UNC13C: variants seen among roughly 807,000 people sequenced by gnomAD.
UNC13C encodes the protein unc-13 homolog C.
In UNC13C, 174 loss-of-function variants were observed where a neutral mutation model predicts 245.4. The ratio of observed to expected loss-of-function variants is 0.71; its 90% CI spans 0.63 to 0.80. The LOEUF is 0.80. Ranked by LOEUF, UNC13C falls within the 30% of genes least tolerant of loss-of-function variation. The pLI is 0.00. For missense variants in UNC13C, 2,829 were observed against 2,602.9 expected (o/e 1.09, Z -1.89); for synonymous variants, 992 against 895.1 (o/e 1.11, Z -1.93).
At chr15:54,463,414 TCTGCACTGC>T (rs1342762967) in intron 19 of UNC13C, among the ~76,000 whole-genome samples, 2 of 151,758 alleles carry the variant, frequency 1.3e-5, no homozygotes, top group East Asian at 3.9e-4. Flanking sequence ...ACTCTTTGGG[TCTGCACTGC>T]CTTTATGAGC....
chr15:54,050,572 C>A, intron 2 of UNC13C: 1 of 436,098 alleles, frequency 2.3e-6, no homozygotes, highest in Non-Finnish European at 4.6e-6. Flanking sequence ...GAGTGAGCTG[C>A]TACACTTTTT....
chr15:54,341,212 C>T (rs1322431798), intron 17 of UNC13C, among the ~76,000 whole-genome samples: 1 of 152,156 alleles, frequency 6.6e-6, no homozygotes, highest in Non-Finnish European at 1.5e-5. Flanking sequence ...ACCTAGGTGC[C>T]CATCCATGGT....
chr15:54,248,753 C>T (rs979752884), intron 7 of UNC13C, among the ~76,000 whole-genome samples: 1 of 152,122 alleles, frequency 6.6e-6, no homozygotes, highest in Non-Finnish European at 1.5e-5. Context: ...GATTGTCCAG[C>T]CCCTTATCTA....
intron 17 of UNC13C, among the ~76,000 whole-genome samples, chr15:54,364,616 T>C (rs2039318675): frequency 6.6e-6 from 1 of 152,212 alleles, no homozygotes; most frequent in South Asian, 2.1e-4. Flanking sequence ...GACTTCACTG[T>C]AGTGACTTTT....
chr15:54,027,218 C>G (rs1163458814), intron 2 of UNC13C, among the ~76,000 whole-genome samples: 2 of 150,978 alleles, frequency 1.3e-5, no homozygotes, highest in South Asian at 2.1e-4. Flanking sequence ...TAAGAGAAAT[C>G]TGGTGCAATA....
intron 29 of UNC13C, among the ~76,000 whole-genome samples, chr15:54,562,615 A>T (rs1485023056): frequency 6.6e-6 from 1 of 152,034 alleles, no homozygotes; most frequent in African/African-American, 2.4e-5. Context: ...GTGTCAAAGA[A>T]AAATCTGCTC....
chr15:54,229,697 A>G (rs2035494897), intron 4 of UNC13C, among the ~76,000 whole-genome samples: 1 of 151,996 alleles, frequency 6.6e-6, no homozygotes. Context: ...AACTATATTC[A>G]CCCTATTTAC....
chr15:54,539,739 A>G (rs1057182466), intron 26 of UNC13C, among the ~76,000 whole-genome samples: 27 of 152,194 alleles, frequency 1.8e-4, no homozygotes, highest in African/African-American at 6.5e-4. Context: ...AACATAACAG[A>G]AAGTTTTAAG....
At chr15:53,973,599 C>CG (rs1344257437), upstream of UNC13C, among the ~76,000 whole-genome samples, 2 of 150,326 alleles carry the variant, frequency 1.3e-5, no homozygotes, top group Non-Finnish European at 3.0e-5. Context: ...AAAAAAAATC[C>CG]AAAAAGTGGA....
At chr15:54,372,303 A>G (rs564768166) in intron 17 of UNC13C, among the ~76,000 whole-genome samples, 16 of 152,216 alleles carry the variant, frequency 1.1e-4, no homozygotes, top group Non-Finnish European at 1.8e-4. Flanking sequence ...CTTGTTTTCT[A>G]TTAGTAATAG....
chr15:54,530,568 G>GA (rs1215895658), intron 25 of UNC13C, among the ~76,000 whole-genome samples: 2 of 151,920 alleles, frequency 1.3e-5, no homozygotes, highest in Non-Finnish European at 2.9e-5. Flanking sequence ...ATGCCATTGA[G>GA]AAAAAAAGAA....
chr15:54,584,449 T>G (rs1464705326), intron 30 of UNC13C, among the ~76,000 whole-genome samples: 1 of 152,224 alleles, frequency 6.6e-6, no homozygotes, highest in Non-Finnish European at 1.5e-5. Context: ...TCCCCCTTTG[T>G]GACCATAACC....
the UNC13C span, among the ~76,000 whole-genome samples, chr15:53,859,507 C>G: frequency 6.6e-6 from 1 of 151,966 alleles, no homozygotes; most frequent in Non-Finnish European, 1.5e-5. Context: ...TTGCAAAATT[C>G]TTTATCATTA....
intron 18 of UNC13C, among the ~76,000 whole-genome samples, chr15:54,411,024 G>GT (rs1325292480): frequency 2.0e-5 from 3 of 151,708 alleles, no homozygotes; most frequent in East Asian, 1.9e-4. Flanking sequence ...TCTGCCTTTT[G>GT]TTTTTTTTAA....
At chr15:54,406,972 A>T (rs771488251) in intron 18 of UNC13C, among the ~76,000 whole-genome samples, 10 of 152,154 alleles carry the variant, frequency 6.6e-5, no homozygotes, top group Non-Finnish European at 2.9e-5. Context: ...AGAAATAATA[A>T]ATAATAGGGG....
intron 19 of UNC13C, among the ~76,000 whole-genome samples, chr15:54,472,399 A>G (rs780711554): frequency 3.3e-5 from 5 of 151,752 alleles, no homozygotes; most frequent in Non-Finnish European, 5.9e-5. Flanking sequence ...TTGTTATGTC[A>G]GTTTTATAGT....
intron 8 of UNC13C, among the ~76,000 whole-genome samples, chr15:54,261,870 AT>A (rs747793727): frequency 2.4e-4 from 37 of 152,076 alleles, no homozygotes; most frequent in African/African-American, 8.7e-4. Flanking sequence ...AAAGCTACAT[AT>A]TTTTTTTCTA....
the UNC13C span, among the ~76,000 whole-genome samples, chr15:53,842,574 A>G: frequency 6.6e-6 from 1 of 152,150 alleles, no homozygotes; most frequent in South Asian, 2.1e-4. Flanking sequence ...CGTTGAATAC[A>G]TGGAGAAAGT....
intron 4 of UNC13C, among the ~76,000 whole-genome samples, chr15:54,202,796 T>G (rs2034564714): frequency 6.6e-6 from 1 of 151,706 alleles, no homozygotes; most frequent in Admixed American, 6.6e-5. Context: ...GCAAATGCAA[T>G]GAAAACAAAG....
Sources: allele counts gnomAD v4.1 joint callset (sites outside exome capture counted in the v4.1 genomes callset), GRCh38; gene constraint gnomAD v4.1.1; transcripts MANE v1.5; gene names NCBI Gene and HGNC (gene_info 2026-07-23, HGNC 2026-07-21).